Variants in TRAPPC9 observed in about 807,000 individuals in gnomAD.
TRAPPC9 encodes the protein trafficking protein particle complex subunit 9.
A neutral mutation model predicts 124.0 loss-of-function variants in TRAPPC9; 83 were observed. That is an observed-to-expected ratio of 0.67 (90% CI 0.56 to 0.80). The LOEUF (loss-of-function observed/expected upper bound fraction) is 0.80, where lower values mean the gene tolerates loss of function less well. Among genes scored for constraint, TRAPPC9 ranks in the 30% least tolerant of loss-of-function variants. TRAPPC9 has a pLI of 0.00. For missense variants in TRAPPC9, 1,302 were observed against 1,508.3 expected, an observed-to-expected ratio of 0.86 and a Z score of 2.27; for synonymous variants, 638 against 617.5, an observed-to-expected ratio of 1.03 and a Z score of -0.49.
intron 9 of TRAPPC9, among the ~76,000 whole-genome samples, chr8:140,358,331 T>G (rs569762839): frequency 6.6e-6 from 1 of 152,246 alleles, no homozygotes; most frequent in South Asian, 2.1e-4. Flanking sequence ...TCAGCCTCCT[T>G]AGTAGCTGGG....
intron 17 of TRAPPC9, among the ~76,000 whole-genome samples, chr8:140,183,385 A>C (rs1189019060): frequency 6.6e-6 from 1 of 152,220 alleles, no homozygotes; most frequent in East Asian, 1.9e-4. Context: ...AAGTCCAATG[A>C]TACAATCAAA....
intron 21 of TRAPPC9, among the ~76,000 whole-genome samples, chr8:139,761,147 A>G (rs1442921476): frequency 1.3e-5 from 2 of 152,202 alleles, no homozygotes; most frequent in African/African-American, 4.8e-5. Flanking sequence ...CTTACTTCAC[A>G]GGGAGGCAAT....
intron 21 of TRAPPC9, among the ~76,000 whole-genome samples, chr8:139,741,992 G>A (rs1285103336): frequency 6.6e-6 from 1 of 152,246 alleles, no homozygotes; most frequent in Non-Finnish European, 1.5e-5. Flanking sequence ...TTATGGAGAA[G>A]ATTTTGTGTG....
At chr8:140,103,854 G>A (rs184869536) in intron 17 of TRAPPC9, among the ~76,000 whole-genome samples, 1 of 152,292 alleles carries the variant, frequency 6.6e-6, no homozygotes, top group African/African-American at 2.4e-5. Context: ...ACAGGATCAG[G>A]TCTTGAACCT....
At chr8:139,863,684 T>A (rs1828322631) in intron 21 of TRAPPC9, among the ~76,000 whole-genome samples, 1 of 152,122 alleles carries the variant, frequency 6.6e-6, no homozygotes, top group Non-Finnish European at 1.5e-5. Context: ...GAATCGCTGT[T>A]CCCGCCTCTG....
chr8:139,869,953 A>G (rs565913530), intron 21 of TRAPPC9, among the ~76,000 whole-genome samples: 2 of 152,252 alleles, frequency 1.3e-5, no homozygotes, highest in African/African-American at 4.8e-5. Flanking sequence ...AACTGTATTT[A>G]TAATAGGAAA....
chr8:140,014,050 A>G (rs76282891), intron 18 of TRAPPC9, among the ~76,000 whole-genome samples: 2,367 of 152,244 alleles, frequency 0.016, 68 homozygotes, highest in African/African-American at 0.053. Flanking sequence ...AAGATCTACC[A>G]CGATAAAACT....
chr8:139,842,667 G>A (rs954727838), intron 21 of TRAPPC9, among the ~76,000 whole-genome samples: 3 of 151,808 alleles, frequency 2.0e-5, no homozygotes, highest in African/African-American at 7.3e-5. Flanking sequence ...CTGGCAGGGG[G>A]TGGGGAGGGG....
At chr8:139,908,904 A>C (rs1831530098) in intron 20 of TRAPPC9, 1 of 152,214 alleles carries the variant, frequency 6.6e-6, no homozygotes, top group Admixed American at 6.5e-5. Flanking sequence ...GTAACTCCAC[A>C]ACAGACTGTT....
chr8:139,972,250 C>T (rs1836150597), intron 19 of TRAPPC9, among the ~76,000 whole-genome samples: 1 of 152,198 alleles, frequency 6.6e-6, no homozygotes, highest in African/African-American at 2.4e-5. Context: ...GAAACAAATA[C>T]CTTTGACTCT....
At chr8:140,399,637 T>C (rs1024453234) in intron 6 of TRAPPC9, among the ~76,000 whole-genome samples, 6 of 152,174 alleles carry the variant, frequency 3.9e-5, no homozygotes, top group South Asian at 4.1e-4. Context: ...TATACCCCCA[T>C]TGTATCTAGG....
chr8:139,760,342 G>A (rs1327877547), intron 21 of TRAPPC9, among the ~76,000 whole-genome samples: 6 of 152,158 alleles, frequency 3.9e-5, no homozygotes, highest in African/African-American at 1.4e-4. Flanking sequence ...CCACCCTGGG[G>A]AGTGGGAACT....
At chr8:139,740,551 G>A (rs1208320511) in intron 21 of TRAPPC9, among the ~76,000 whole-genome samples, 2 of 152,218 alleles carry the variant, frequency 1.3e-5, no homozygotes, top group Non-Finnish European at 2.9e-5. Context: ...AGGTCAGAGA[G>A]CAGGTGCAGC....
At chr8:140,407,765 GCACCCAC>G (rs2069546788) in intron 5 of TRAPPC9, among the ~76,000 whole-genome samples, 1 of 152,022 alleles carries the variant, frequency 6.6e-6, no homozygotes, top group South Asian at 2.1e-4. Context: ...GGGATGACAG[GCACCCAC>G]CAGCAAGCCC....
At chr8:139,835,481 G>C (rs969606577) in intron 21 of TRAPPC9, among the ~76,000 whole-genome samples, 3 of 152,198 alleles carry the variant, frequency 2.0e-5, no homozygotes, top group African/African-American at 7.2e-5. Context: ...TGCTGTGCGT[G>C]GATGCACGGA....
intron 21 of TRAPPC9, among the ~76,000 whole-genome samples, chr8:139,882,803 A>G (rs1395935691): frequency 6.6e-6 from 1 of 152,252 alleles, no homozygotes; most frequent in Non-Finnish European, 1.5e-5. Context: ...TCCATAAAGG[A>G]AGAAACTCAG....
In TRAPPC9 at chr8:140,087,452, G is replaced by A. The variant is rs905691117; in HGVS notation, c.2557-63373C>T. ...CACCAACAGGCTCCCGCACAGCCCC[G>A]CTGAAGAGCCGAACGGTGCTCACAC... On this transcript the variant is annotated intron_variant, in intron 17 of 22. Transcript: ENST00000438773. This position sits in a 1 kb window ranked among gnomAD's most constrained non-coding sequence, Gnocchi z 4.6. 3.3e-5 allele frequency among the ~76,000 whole-genome samples: 5 copies of A among 152,104 alleles called. No homozygotes were observed. Among genetic ancestry groups the A allele is most frequent in the South Asian group, 2.1e-4 (1 of 4,810 alleles).
chr8:139,994,743 G>C (rs1379273710), intron 18 of TRAPPC9, among the ~76,000 whole-genome samples: 1 of 152,070 alleles, frequency 6.6e-6, no homozygotes, highest in Non-Finnish European at 1.5e-5. Context: ...TTTCAGTTAG[G>C]AATCCAACAA....
chr8:139,932,671 C>G (rs1048249465), intron 19 of TRAPPC9: 2 of 384,390 alleles, frequency 5.2e-6, no homozygotes, highest in Non-Finnish European at 1.0e-5. Context: ...GGCTGAGGCA[C>G]GAGAATTGCC....
Sources: allele counts gnomAD v4.1 joint callset (sites outside exome capture counted in the v4.1 genomes callset), GRCh38; gene constraint gnomAD v4.1.1; non-coding constraint Gnocchi (gnomAD v3.1); transcripts MANE v1.5; gene names NCBI Gene and HGNC (gene_info 2026-07-23, HGNC 2026-07-21).